The following HPGDS variants were observed in gnomAD, a reference collection of about 807,000 sequenced individuals.
HPGDS encodes the protein hematopoietic prostaglandin D synthase.
HPGDS carries 26 observed loss-of-function variants against 23.1 expected under a neutral mutation model. That is an observed-to-expected ratio of 1.13 (90% confidence interval 0.83 to 1.56). The LOEUF is 1.56. Ranked by LOEUF, HPGDS falls within the 40% of genes most tolerant of loss-of-function variation. HPGDS has a pLI of 0.00. For synonymous variants in HPGDS, 95 were observed against 77.9 expected, an observed-to-expected ratio of 1.22 and a Z score of -1.16; for missense variants, 268 against 236.4, an observed-to-expected ratio of 1.13 and a Z score of -0.88.
In HPGDS at chr4:94,314,101, G is replaced by A. The variant is rs183344522; in HGVS notation, c.226+3772C>T. 3.1e-3 allele frequency among the ~76,000 whole-genome samples: 471 copies of A among 152,204 alleles called. 1 individual carries two copies. The highest frequency in any genetic ancestry group is 5.3e-3 in the Non-Finnish European group (359 of 68,002). On this transcript the variant is annotated intron_variant, in intron 3 of 5. Coordinates refer to ENST00000295256, the MANE Select transcript of HPGDS (RefSeq NM_014485.3). ...GGGTTCAAACTTCCTCCTTTAGCTC[G>A]GAGAAGTTTGATCATCTGAAGCCTT...
At chr4:94,325,411 GC>G (rs1278561757) in intron 2 of HPGDS, among the ~76,000 whole-genome samples, 2 of 152,150 alleles carry the variant, frequency 1.3e-5, no homozygotes, top group Non-Finnish European at 2.9e-5. Flanking sequence ...AGGCAGGTAG[GC>G]CTTCTTGAGC....
chr4:94,331,371 C>T (rs1174674279), intron 2 of HPGDS, among the ~76,000 whole-genome samples: 2 of 152,112 alleles, frequency 1.3e-5, no homozygotes, highest in African/African-American at 2.4e-5. Context: ...TTGGTTTCCT[C>T]AGAGTTGCTT....
At chr4:94,327,404 T>C (rs142318811) in intron 2 of HPGDS, among the ~76,000 whole-genome samples, 1 of 152,174 alleles carries the variant, frequency 6.6e-6, no homozygotes, top group Non-Finnish European at 1.5e-5. Context: ...GCAGGGCACG[T>C]TGATCCCCAG....
At position 94,299,526 on chromosome 4, in the gene HPGDS, G is replaced by A; in HGVS notation, c.554C>T (p.Pro185Leu). Residue 185 changes from proline to leucine, a missense_variant, in exon 6 of 6, where the codon CCT becomes CTT. Transcript: ENST00000295256. ...VTLRKKVQAI[P>L]AVANWIKRRP... ...TCGTTTTATCCAGTTAGCGACGGCAGGAATGGCTTGGACTTTCTTCCGTAA... is the reference window on the plus strand; with the variant it reads ...TCGTTTTATCCAGTTAGCGACGGCAAGAATGGCTTGGACTTTCTTCCGTAA... The A allele has an allele frequency of 6.2e-7, 1 of 1,613,814 alleles. No homozygotes were observed. Among genetic ancestry groups the A allele is most frequent in the South Asian group, 1.1e-5 (1 of 91,066 alleles).
rs1456447541 is a variant in HPGDS, at chr4:94,299,565, G to C, written c.515C>G (p.Pro172Arg). 7 of 1,614,100 alleles carry C rather than the reference G, an allele frequency of 4.3e-6. No individual in the cohort carries two copies. The highest frequency in any genetic ancestry group is 1.1e-5 in the South Asian group (1 of 91,068). The change falls in exon 6 of 6, where the codon CCA becomes CGA. Residue 172 changes from proline to arginine, a missense_variant. Physicochemically the swap from Pro to Arg is moderately radical, Grantham distance 103. Coordinates refer to ENST00000295256, the MANE Select transcript of HPGDS (RefSeq NM_014485.3). Reference sequence around the variant, plus strand: ...TTTCTTCCGTAAAGTCACCAGCCTTGGATGGTTGTCTAACAGGTCAGGCTT... The same window carrying C: ...TTTCTTCCGTAAAGTCACCAGCCTTCGATGGTTGTCTAACAGGTCAGGCTT... ...VFKPDLLDNH[P>R]RLVTLRKKVQ...
At chr4:94,333,171 G>A (rs773311817) in intron 2 of HPGDS, among the ~76,000 whole-genome samples, 6 of 152,194 alleles carry the variant, frequency 3.9e-5, no homozygotes, top group Non-Finnish European at 8.8e-5. Flanking sequence ...GACAGCAGAT[G>A]AGACCAAATA....
intron 1 of HPGDS, among the ~76,000 whole-genome samples, chr4:94,337,191 G>C (rs1439379657): frequency 6.6e-6 from 1 of 151,822 alleles, no homozygotes; most frequent in Non-Finnish European, 1.5e-5. Context: ...GTCTCAGATT[G>C]GTCTCCCAAC....
At chr4:94,325,953 T>C (rs1260965239) in intron 2 of HPGDS, among the ~76,000 whole-genome samples, 3 of 151,726 alleles carry the variant, frequency 2.0e-5, no homozygotes, top group Non-Finnish European at 1.5e-5. Context: ...ATAGCTTTGC[T>C]GGTTATAGTA....
In HPGDS at chr4:94,334,610, G is replaced by A. The variant is rs1016867959; in HGVS notation, c.20C>T (p.Thr7Ile). Reference protein sequence around the residue: MPNYKLTYFNMRGRAEI... With the variant: MPNYKLIYFNMRGRAEI... ...TGCTCTCCCCCTCATATTAAAATAA[G>A]TGAGTTTGTAGTTTGGCATGGTGCA... The change falls in exon 2 of 6, where the codon ACT (threonine) becomes ATT (isoleucine). Residue 7 changes from threonine (T) to isoleucine (I), a missense_variant. Coordinates refer to ENST00000295256, the MANE Select transcript of HPGDS (RefSeq NM_014485.3). 10 of 1,613,142 alleles carry A rather than the reference G, an allele frequency of 6.2e-6. No individual in the cohort carries two copies. Among genetic ancestry groups the A allele is most frequent in the African/African-American group, 5.3e-5 (4 of 74,874 alleles).
intron 3 of HPGDS, among the ~76,000 whole-genome samples, chr4:94,313,737 C>T (rs1337639780): frequency 6.6e-6 from 1 of 152,166 alleles, no homozygotes; most frequent in African/African-American, 2.4e-5. Flanking sequence ...GAGTGTTTTC[C>T]AACTTGGTTC....
intron 2 of HPGDS, among the ~76,000 whole-genome samples, chr4:94,331,861 A>C (rs1294510397): frequency 6.6e-6 from 1 of 152,118 alleles, no homozygotes; most frequent in Non-Finnish European, 1.5e-5. Flanking sequence ...GGAGGCAGAG[A>C]AATTCTAGGC....
intron 3 of HPGDS, among the ~76,000 whole-genome samples, chr4:94,317,122 C>T (rs1370389847): frequency 6.6e-6 from 1 of 151,546 alleles, no homozygotes; most frequent in Non-Finnish European, 1.5e-5. Flanking sequence ...GTGTCTATGG[C>T]TTGGATCATA....
At chr4:94,340,311 C>CTTTTCTTTTTTTTTTTTTTTTTTTTT in intron 1 of HPGDS, among the ~76,000 whole-genome samples, 1 of 23,686 alleles carries the variant, frequency 4.2e-5, no homozygotes, top group South Asian at 1.6e-3. Flanking sequence ...CTTTCTTTCT[C>CTTTTCTTTTTTTTTTTTTTTTTTTTT]TTTTTTTTTT....
intron 3 of HPGDS, among the ~76,000 whole-genome samples, chr4:94,311,821 T>A (rs1159016491): frequency 2.0e-5 from 3 of 151,280 alleles, no homozygotes; most frequent in Admixed American, 2.0e-4. Context: ...TGAGAGTCTG[T>A]TATTGGACTA....
intron 4 of HPGDS, among the ~76,000 whole-genome samples, chr4:94,302,828 A>G (rs1756069425): frequency 6.6e-6 from 1 of 152,022 alleles, no homozygotes; most frequent in Middle Eastern, 3.2e-3. Flanking sequence ...TCCCCTCTTG[A>G]TATATAAACA....
chr4:94,302,169 T>C lies in HPGDS; in HGVS notation c.412A>G (p.Arg138Gly). The change falls in exon 5 of 6, where the codon AGA becomes GGA. Residue 138 changes from arginine to glycine, a missense_variant. Transcript: ENST00000295256. ...MQDLDTYLGG[R>G]EWLIGNSVTW... The stretch of plus-strand genomic sequence containing the variant: ...ACAGAGTTACCAATAAGCCATTCTC[T>C]CCCCCCTAAATATGTGTCCAAGTCT... The C allele has an allele frequency of 6.2e-7, 1 of 1,611,036 alleles. No homozygotes were observed. The highest frequency in any genetic ancestry group is 1.3e-5 in the African/African-American group (1 of 74,874).
rs369740813 is a variant in HPGDS at position 94,302,751 on chromosome 4, T to G, written c.337-507A>C. Among the ~76,000 whole-genome samples the G allele has an allele frequency of 1.3e-4, 20 of 152,272 alleles. No individual in the cohort carries two copies. In the East Asian group the frequency reaches 1.9e-3, roughly 15 times the overall value. On this transcript the variant is annotated intron_variant, in intron 4 of 5. Coordinates refer to ENST00000295256, the MANE Select transcript of HPGDS (RefSeq NM_014485.3). ...GCCTTTATGTATTTTCTCATTGGAC[T>G]ACCATTGTGCCTCATTATCAGATTT...
chr4:94,300,298 T>C (rs1294050380), intron 5 of HPGDS, among the ~76,000 whole-genome samples: 1 of 152,262 alleles, frequency 6.6e-6, no homozygotes, highest in Admixed American at 6.5e-5. Flanking sequence ...TATGGATGTC[T>C]GACCATTAGG....
Position 94,317,967 on chromosome 4 carries a change from T to C in HPGDS, c.134-2A>G. 6.3e-7 allele frequency: 1 copy of C among 1,582,578 alleles called. No individual in the cohort carries two copies. Among genetic ancestry groups the C allele is most frequent in the East Asian group, 2.2e-5 (1 of 44,512 alleles). On this transcript the variant is annotated splice_acceptor_variant, in intron 2 of 5. Transcript: ENST00000295256. LOFTEE classifies it high-confidence loss of function. ...TGGGGATTTTTCCAAATGGGAGAGC[T>C]TAAAATGAAATGAGCAAATAATTAA...
Sources: gnomAD v4.1 joint callset for allele counts (sites outside exome capture counted in the v4.1 genomes callset) on GRCh38, gnomAD v4.1.1 for gene constraint, MANE v1.5 for transcripts, NCBI Gene and HGNC (gene_info 2026-07-23, HGNC 2026-07-21) for gene names.